Variants in NPAS3 observed in about 807,000 individuals in gnomAD.
The protein encoded by NPAS3 is neuronal PAS domain protein 3, also known as neuronal PAS domain-containing protein 3.
NPAS3 carries 14 observed loss-of-function variants against 73.1 expected under a neutral mutation model. The ratio of observed to expected loss-of-function variants is 0.19; its 90% CI spans 0.13 to 0.30. NPAS3 has a LOEUF of 0.30. NPAS3 is among the 10% of genes least tolerant of loss of function. The pLI is 1.00. For missense variants in NPAS3, 1,096 were observed against 1,250.0 expected (o/e 0.88, Z 1.86); for synonymous variants, 620 against 541.5 (o/e 1.14, Z -2.01).
intron 4 of NPAS3, among the ~76,000 whole-genome samples, chr14:33,553,213 A>T (rs1490710738): frequency 1.3e-5 from 2 of 152,214 alleles, no homozygotes; most frequent in Non-Finnish European, 2.9e-5. Context: ...CAGAGGAAAA[A>T]GTCAGCACTT....
intron 1 of NPAS3, among the ~76,000 whole-genome samples, chr14:32,995,094 C>T (rs1271301140): frequency 2.6e-5 from 4 of 152,208 alleles, no homozygotes; most frequent in Non-Finnish European, 5.9e-5. Flanking sequence ...GAAACTGAAG[C>T]TGGGCAGCTC....
At chr14:33,031,634 AC>A (rs2039996958) in intron 1 of NPAS3, among the ~76,000 whole-genome samples, 1 of 152,154 alleles carries the variant, frequency 6.6e-6, no homozygotes, top group Non-Finnish European at 1.5e-5. Context: ...CTGGGACCAC[AC>A]GTGTGCACCA....
intron 7 of NPAS3, among the ~76,000 whole-genome samples, chr14:33,767,670 CATTAT>C (rs1466976865): frequency 1.4e-5 from 2 of 144,972 alleles, no homozygotes; most frequent in Non-Finnish European, 3.0e-5. Flanking sequence ...CTATACTTTA[CATTAT>C]ATGTGGGAAA....
At position 33,764,745 on chromosome 14, in the gene NPAS3, GA is replaced by G. The variant is rs773636620; in HGVS notation, c.853-9590del. Among the ~76,000 whole-genome samples the G allele has an allele frequency of 5.9e-5, 9 of 152,180 alleles. No individual in the cohort carries two copies. In the East Asian group the frequency reaches 1.5e-3, roughly 26 times the overall value. On this transcript the variant is annotated intron_variant, in intron 7 of 11. Coordinates refer to ENST00000356141, the Ensembl canonical transcript of NPAS3. ...CGCTCCTTTACATCAAGTGATAGAG[GA>G]ATAAAAAAGTTCCCCTCCACAGTAG... is the stretch of plus-strand genomic sequence containing the variant.
chr14:33,376,367 G>A (rs2046313180), intron 4 of NPAS3, among the ~76,000 whole-genome samples: 1 of 152,010 alleles, frequency 6.6e-6, no homozygotes, highest in Admixed American at 6.6e-5. Context: ...CTATTACTTT[G>A]TCACAATCTG....
chr14:33,587,949 A>G (rs984661770), intron 5 of NPAS3, among the ~76,000 whole-genome samples: 2 of 152,294 alleles, frequency 1.3e-5, no homozygotes, highest in East Asian at 3.9e-4. Flanking sequence ...GATAAACCTG[A>G]TTCACCACAC....
intron 8 of NPAS3, among the ~76,000 whole-genome samples, chr14:33,775,844 G>A (rs922181750): frequency 2.6e-5 from 4 of 152,192 alleles, no homozygotes; most frequent in Non-Finnish European, 5.9e-5. Context: ...AATAAAGATG[G>A]CTGGCGTTTA....
chr14:32,946,633 A>G (rs531772042), intron 1 of NPAS3, among the ~76,000 whole-genome samples: 1 of 152,298 alleles, frequency 6.6e-6, no homozygotes, highest in East Asian at 1.9e-4. Context: ...TAAAAATAAT[A>G]GGTATAATAG....
chr14:33,399,105 G>A (rs1257915603), intron 4 of NPAS3, among the ~76,000 whole-genome samples: 1 of 152,054 alleles, frequency 6.6e-6, no homozygotes, highest in East Asian at 1.9e-4. Context: ...ACCATAATGT[G>A]CTTTATTGGT....
At chr14:33,653,059 C>T (rs1023165675) in intron 5 of NPAS3, among the ~76,000 whole-genome samples, 1 of 152,214 alleles carries the variant, frequency 6.6e-6, no homozygotes, top group Non-Finnish European at 1.5e-5. Context: ...AGCACTTGCC[C>T]TTGGCATATT....
At chr14:33,381,441 G>C (rs2046549459) in intron 4 of NPAS3, among the ~76,000 whole-genome samples, 1 of 152,166 alleles carries the variant, frequency 6.6e-6, no homozygotes. Flanking sequence ...TTCAATATTG[G>C]AAGGTTACTA....
intron 1 of NPAS3, among the ~76,000 whole-genome samples, chr14:33,051,620 C>A (rs1005632369): frequency 6.6e-6 from 1 of 152,096 alleles, no homozygotes; most frequent in Non-Finnish European, 1.5e-5. Flanking sequence ...TTCAGGGAGC[C>A]CTTGACCCTG....
intron 5 of NPAS3, among the ~76,000 whole-genome samples, chr14:33,605,240 C>T (rs2140016540): frequency 6.6e-6 from 1 of 151,988 alleles, no homozygotes; most frequent in East Asian, 1.9e-4. Flanking sequence ...CTATAACTGA[C>T]ATCATACTCA....
intron 5 of NPAS3, among the ~76,000 whole-genome samples, chr14:33,648,625 G>T (rs1448272847): frequency 6.6e-6 from 1 of 152,162 alleles, no homozygotes; most frequent in African/African-American, 2.4e-5. Context: ...AGCACAAAAA[G>T]TATTTCTATC....
chr14:33,800,984 A>C lies in NPAS3; in HGVS notation c.2677A>C (p.Ser893Arg). ...GTTCGGCGGCGCAGTGAGCGCAGCT[A>C]GCCTGACGCAGATGCCCGCCGGCAA... The change falls in exon 12 of 12, where the codon AGC (serine) becomes CGC (arginine). Residue 893 changes from serine to arginine, a missense_variant. By Grantham distance (110) the Ser-to-Arg change is moderately radical. Around this residue, in one of 5 missense-constraint regions of NPAS3, gnomAD observed 698 missense variants for 676.7 expected, o/e 1.03. Transcript: ENST00000356141. The surrounding 1 kb of genome is among the most constrained non-coding windows in gnomAD (Gnocchi z 6.5). 6.3e-7 allele frequency: 1 copy of C among 1,590,106 alleles called. No homozygotes were observed. The highest frequency in any genetic ancestry group is 8.6e-7 in the Non-Finnish European group (1 of 1,169,146).
At chr14:33,446,638 A>T (rs564075962) in intron 4 of NPAS3, among the ~76,000 whole-genome samples, 1 of 152,190 alleles carries the variant, frequency 6.6e-6, no homozygotes, top group African/African-American at 2.4e-5. Flanking sequence ...GTTTCCATTG[A>T]ATCATCCTTG....
At chr14:33,272,515 C>T (rs1354326830) in intron 3 of NPAS3, among the ~76,000 whole-genome samples, 1 of 152,148 alleles carries the variant, frequency 6.6e-6, no homozygotes, top group Non-Finnish European at 1.5e-5. Context: ...CTCCCAGATT[C>T]AAGCAATTCT....
chr14:33,434,372 C>G (rs1050597783), intron 4 of NPAS3, among the ~76,000 whole-genome samples: 21 of 151,740 alleles, frequency 1.4e-4, no homozygotes, highest in African/African-American at 4.8e-4. Context: ...ACAAAAAATA[C>G]AAACATTAGT....
At chr14:33,802,376 T>TAAAAAAAAAAAAAAA (rs71293230), downstream of NPAS3, 13 of 95,668 alleles carry the variant, frequency 1.4e-4, no homozygotes, top group East Asian at 1.0e-3. Flanking sequence ...GCACATTAAG[T>TAAAAAAAAAAAAAAA]AAAAAAAAAA....
Sources: allele counts gnomAD v4.1 joint callset (sites outside exome capture counted in the v4.1 genomes callset), GRCh38; gene constraint gnomAD v4.1.1; regional missense constraint gnomAD v4.1.1; non-coding constraint Gnocchi (gnomAD v3.1); transcripts MANE v1.5; gene names NCBI Gene and HGNC (gene_info 2026-07-23, HGNC 2026-07-21).